Variants in KCNH8 observed in about 807,000 individuals in gnomAD.
KCNH8 encodes potassium voltage-gated channel subfamily H member 8, also known as voltage-gated delayed rectifier potassium channel KCNH8.
In KCNH8, 70 loss-of-function variants were observed where a neutral mutation model predicts 103.6. The observed-to-expected ratio is 0.68, with a 90% CI of 0.56 to 0.82. The LOEUF (loss-of-function observed/expected upper bound fraction) is 0.82, where lower values mean the gene tolerates loss of function less well. Ranked by LOEUF, KCNH8 falls within the 40% of genes least tolerant of loss-of-function variation. KCNH8 has a pLI of 0.00. For synonymous variants in KCNH8, 498 were observed against 489.4 expected (o/e 1.02, Z -0.23); for missense variants, 1,217 against 1,329.9 (o/e 0.92, Z 1.32).
At chr3:19,362,752 C>T (rs1368824272) in intron 5 of KCNH8, among the ~76,000 whole-genome samples, 2 of 152,156 alleles carry the variant, frequency 1.3e-5, no homozygotes, top group East Asian at 3.9e-4. Context: ...CAGCCTCAAT[C>T]TCCCAGGGTG....
intron 7 of KCNH8, among the ~76,000 whole-genome samples, chr3:19,420,054 T>C (rs1160797827): frequency 6.6e-6 from 1 of 152,154 alleles, no homozygotes; most frequent in Non-Finnish European, 1.5e-5. Flanking sequence ...TGAAAATTTA[T>C]GAGATACTTA....
At chr3:19,155,212 A>G (rs1328054774) in intron 1 of KCNH8, among the ~76,000 whole-genome samples, 1 of 152,208 alleles carries the variant, frequency 6.6e-6, no homozygotes. Flanking sequence ...CATTATTGGC[A>G]TCACGACCCA....
At chr3:19,245,641 G>A (rs2064194883) in intron 1 of KCNH8, among the ~76,000 whole-genome samples, 1 of 151,954 alleles carries the variant, frequency 6.6e-6, no homozygotes, top group Non-Finnish European at 1.5e-5. Flanking sequence ...CAAATTTTAT[G>A]GTAGAGATTT....
At chr3:19,397,538 C>T (rs1384434709) in intron 7 of KCNH8, among the ~76,000 whole-genome samples, 2 of 149,066 alleles carry the variant, frequency 1.3e-5, no homozygotes, top group African/African-American at 2.5e-5. Flanking sequence ...TATATACACA[C>T]ATATATATAT....
At chr3:19,521,646 A>G (rs747610314) in intron 15 of KCNH8, among the ~76,000 whole-genome samples, 7 of 151,954 alleles carry the variant, frequency 4.6e-5, no homozygotes, top group East Asian at 3.9e-4. Flanking sequence ...GGTTATGAAA[A>G]TCACTATTTT....
intron 11 of KCNH8, 74 bp from the exon 12 acceptor site, chr3:19,510,289 T>C: frequency 1.1e-6 from 1 of 890,478 alleles, no homozygotes; most frequent in Non-Finnish European, 1.9e-6. Flanking sequence ...CTCTTTCCTC[T>C]GCCTGCTGCA....
chr3:19,271,783 C>T (rs1385517887), intron 2 of KCNH8, among the ~76,000 whole-genome samples: 2 of 152,098 alleles, frequency 1.3e-5, no homozygotes, highest in East Asian at 3.9e-4. Flanking sequence ...ACTGTTACTT[C>T]CAGTCTCAGA....
intron 1 of KCNH8, among the ~76,000 whole-genome samples, chr3:19,198,928 C>G (rs1476987782): frequency 1.3e-5 from 2 of 151,938 alleles, no homozygotes; most frequent in Admixed American, 1.3e-4. Context: ...GGGTTTCAAA[C>G]AAGGCCACTG....
At chr3:19,268,626 G>A (rs1198889359) in intron 2 of KCNH8, among the ~76,000 whole-genome samples, 1 of 152,108 alleles carries the variant, frequency 6.6e-6, no homozygotes, top group Non-Finnish European at 1.5e-5. Context: ...GCTGCCATAT[G>A]AGTAATCCAC....
At chr3:19,238,774 A>G (rs533402050) in intron 1 of KCNH8, among the ~76,000 whole-genome samples, 2 of 152,206 alleles carry the variant, frequency 1.3e-5, no homozygotes, top group Non-Finnish European at 2.9e-5. Flanking sequence ...TTTTTCCTCA[A>G]TGAGCTTTTG....
intron 5 of KCNH8, among the ~76,000 whole-genome samples, chr3:19,360,671 T>A (rs1163071317): frequency 7.2e-5 from 11 of 152,040 alleles, no homozygotes; most frequent in Non-Finnish European, 1.3e-4. Flanking sequence ...TACCTAGTCA[T>A]CTTAAAAATA....
At chr3:19,253,218 T>C (rs2064301326) in intron 1 of KCNH8, among the ~76,000 whole-genome samples, 1 of 152,154 alleles carries the variant, frequency 6.6e-6, no homozygotes, top group African/African-American at 2.4e-5. Flanking sequence ...AATAAACTAA[T>C]TATGCTCAAA....
At chr3:19,250,342 TAATAATA>T (rs2064260969) in intron 1 of KCNH8, among the ~76,000 whole-genome samples, 1 of 152,156 alleles carries the variant, frequency 6.6e-6, no homozygotes, top group Non-Finnish European at 1.5e-5. Context: ...AATATACTTA[TAATAATA>T]AAAGTAAATA....
chr3:19,401,065 A>AT (rs1053428304), intron 7 of KCNH8, among the ~76,000 whole-genome samples: 1 of 151,934 alleles, frequency 6.6e-6, no homozygotes, highest in African/African-American at 2.4e-5. Context: ...TCCTGGATTT[A>AT]TTTTTTTAAA....
intron 10 of KCNH8, 44 bp from the exon 11 acceptor site, chr3:19,456,723 AG>A (rs752401355): frequency 7.4e-7 from 1 of 1,355,102 alleles, no homozygotes; most frequent in African/African-American, 1.4e-5. Context: ...ATCAGTCCTA[AG>A]CTTGCTTTTT....
chr3:19,250,508 A>G (rs1370319007), intron 1 of KCNH8, among the ~76,000 whole-genome samples: 1 of 152,206 alleles, frequency 6.6e-6, no homozygotes, highest in East Asian at 1.9e-4. Flanking sequence ...AAAGAAAGCT[A>G]TTGTATCTAT....
At chr3:19,497,116 T>C (rs2068459350) in intron 11 of KCNH8, among the ~76,000 whole-genome samples, 3 of 152,150 alleles carry the variant, frequency 2.0e-5, no homozygotes, top group Non-Finnish European at 4.4e-5. Flanking sequence ...TTATTTCTAA[T>C]TGTGTTTATT....
chr3:19,408,072 G>T (rs187764403), intron 7 of KCNH8, among the ~76,000 whole-genome samples: 4 of 152,188 alleles, frequency 2.6e-5, no homozygotes, highest in Non-Finnish European at 5.9e-5. Context: ...TCAGTGCATT[G>T]GTTGAGGCAA....
chr3:19,529,802 T>C (rs1217472169), intron 15 of KCNH8, among the ~76,000 whole-genome samples: 1 of 152,132 alleles, frequency 6.6e-6, no homozygotes, highest in Non-Finnish European at 1.5e-5. Flanking sequence ...CATGCAACTT[T>C]AATAAGGTTC....
Sources: gnomAD v4.1 joint callset for allele counts (sites outside exome capture counted in the v4.1 genomes callset) on GRCh38, gnomAD v4.1.1 for gene constraint, MANE v1.5 for transcripts, NCBI Gene and HGNC (gene_info 2026-07-23, HGNC 2026-07-21) for gene names.